Variants in ANTXR2 observed in about 807,000 individuals in gnomAD.
ANTXR2 encodes anthrax toxin receptor 2.
Under a neutral mutation model 73.7 loss-of-function variants are expected in ANTXR2, and 44 were observed. That is an observed-to-expected ratio of 0.60 (90% CI 0.47 to 0.77). The LOEUF (loss-of-function observed/expected upper bound fraction) is 0.77. Ranked by LOEUF, ANTXR2 falls within the 30% of genes least tolerant of loss-of-function variation. ANTXR2 has a pLI of 0.00. For missense variants in ANTXR2, 604 were observed against 592.5 expected (o/e 1.02, Z -0.20); for synonymous variants, 217 against 205.9 (o/e 1.05, Z -0.46).
intron 12 of ANTXR2, among the ~76,000 whole-genome samples, chr4:79,990,195 C>T (rs1346840196): frequency 6.7e-6 from 1 of 149,634 alleles, no homozygotes; most frequent in Non-Finnish European, 1.5e-5. Context: ...CAAAATTATC[C>T]TTCTTCACCA....
At chr4:80,029,836 C>G (rs1174941991) in intron 10 of ANTXR2, among the ~76,000 whole-genome samples, 3 of 151,578 alleles carry the variant, frequency 2.0e-5, no homozygotes, top group African/African-American at 7.3e-5. Context: ...TGGTCAAGAA[C>G]AGCAAAGAGG....
At chr4:79,931,915 C>T (rs1578094177) in intron 16 of ANTXR2, among the ~76,000 whole-genome samples, 1 of 152,200 alleles carries the variant, frequency 6.6e-6, no homozygotes, top group African/African-American at 2.4e-5. Flanking sequence ...CCCAACCATT[C>T]TTTATTTCCT....
At chr4:79,953,410 C>T (rs1009132354) in intron 16 of ANTXR2, among the ~76,000 whole-genome samples, 6 of 151,936 alleles carry the variant, frequency 3.9e-5, no homozygotes, top group South Asian at 2.1e-4. Flanking sequence ...GTAAATTTAA[C>T]GGAAGTCTAA....
chr4:79,912,683 C>T (rs886968580), intron 16 of ANTXR2, among the ~76,000 whole-genome samples: 10 of 152,016 alleles, frequency 6.6e-5, no homozygotes, highest in African/African-American at 2.2e-4. Flanking sequence ...GGAATCTAAC[C>T]TAATAAAATA....
At chr4:80,065,196 C>T (rs1734439532) in intron 3 of ANTXR2, among the ~76,000 whole-genome samples, 1 of 152,166 alleles carries the variant, frequency 6.6e-6, no homozygotes, top group Admixed American at 6.5e-5. Context: ...TTTAACAGAA[C>T]TGAGCTTAAT....
rs997539236 is a variant in ANTXR2, at chr4:79,906,836, G to A, written c.*593C>T. 6.5e-6 allele frequency: 1 copy of A among 153,232 alleles called. No homozygotes were observed. The highest frequency in any genetic ancestry group is 2.4e-5 in the African/African-American group (1 of 41,456). 9.5% of individuals were successfully genotyped at this position (153,232 alleles called of 1,614,324 possible). ...TTGTCATGCGTGTGCACTTTTCAGT[G>A]TTAGAATGACAAGATTTTCCAGTCA... On this transcript the variant is annotated 3_prime_UTR_variant, in exon 17 of 17. Transcript: ENST00000403729.
At chr4:80,064,201 T>C (rs1259995261) in intron 3 of ANTXR2, among the ~76,000 whole-genome samples, 1 of 152,224 alleles carries the variant, frequency 6.6e-6, no homozygotes, top group Non-Finnish European at 1.5e-5. Flanking sequence ...AAGTAATTGA[T>C]TATTGTGCTC....
At chr4:79,933,572 T>C (rs1728139025) in intron 16 of ANTXR2, among the ~76,000 whole-genome samples, 1 of 152,090 alleles carries the variant, frequency 6.6e-6, no homozygotes, top group Non-Finnish European at 1.5e-5. Flanking sequence ...AAATTATACT[T>C]TAAGTTTCAG....
At chr4:79,983,167 C>T (rs962493897) in intron 14 of ANTXR2, among the ~76,000 whole-genome samples, 2 of 152,000 alleles carry the variant, frequency 1.3e-5, no homozygotes, top group African/African-American at 4.8e-5. Flanking sequence ...ATGAAAAAAT[C>T]CCTTGAATTG....
At chr4:79,993,591 T>C (rs950775337) in intron 12 of ANTXR2, among the ~76,000 whole-genome samples, 1 of 152,014 alleles carries the variant, frequency 6.6e-6, no homozygotes, top group African/African-American at 2.4e-5. Flanking sequence ...TTTGAATTAC[T>C]GCAATCAAGA....
chr4:80,048,186 T>C (rs904220783), intron 7 of ANTXR2, among the ~76,000 whole-genome samples: 2 of 150,766 alleles, frequency 1.3e-5, no homozygotes, highest in African/African-American at 4.9e-5. Flanking sequence ...TTTCAAAAAC[T>C]TGCATAGATT....
At chr4:80,025,921 GA>G in intron 10 of ANTXR2, among the ~76,000 whole-genome samples, 1 of 152,156 alleles carries the variant, frequency 6.6e-6, no homozygotes, top group Non-Finnish European at 1.5e-5. Flanking sequence ...GACATCACAG[GA>G]AAGCTGTATT....
At position 80,024,980 on chromosome 4, in the gene ANTXR2, G is replaced by A. The variant is rs1484984526; in HGVS notation, c.867-6004C>T. 4.6e-5 allele frequency among the ~76,000 whole-genome samples: 7 copies of A among 152,122 alleles called. No homozygotes were observed. The East Asian group carries it at 1.2e-3, about 25-fold the overall frequency. On this transcript the variant is annotated intron_variant, in intron 10 of 16. Coordinates refer to ENST00000403729, the MANE Select transcript of ANTXR2 (RefSeq NM_058172.6). ...CTTTCAACTTAATTTTCTATAAATT[G>A]GTTCTACACTGTTTAATATTTCTTA...
At chr4:79,980,976 TTTA>T (rs1729866305) in intron 14 of ANTXR2, among the ~76,000 whole-genome samples, 2 of 150,686 alleles carry the variant, frequency 1.3e-5, no homozygotes, top group South Asian at 4.2e-4. Flanking sequence ...TAAGCATGCT[TTTA>T]AAACAAATTT....
chr4:79,987,043 G>C (rs1730197767), intron 12 of ANTXR2, among the ~76,000 whole-genome samples: 1 of 152,184 alleles, frequency 6.6e-6, no homozygotes, highest in South Asian at 2.1e-4. Flanking sequence ...AGTGAACACA[G>C]ATGAGAAAGA....
At chr4:80,013,377 G>A (rs550340902) in intron 11 of ANTXR2, among the ~76,000 whole-genome samples, 23 of 152,290 alleles carry the variant, frequency 1.5e-4, no homozygotes, top group African/African-American at 5.3e-4. Context: ...TCTCAAGGCT[G>A]GTAAGAAAGG....
chr4:80,026,358 C>T (rs1732439593), intron 10 of ANTXR2, among the ~76,000 whole-genome samples: 1 of 152,172 alleles, frequency 6.6e-6, no homozygotes, highest in African/African-American at 2.4e-5. Context: ...CCTGAGGCTT[C>T]CCCAGTCATG....
At chr4:79,933,636 G>A (rs1728141748) in intron 16 of ANTXR2, among the ~76,000 whole-genome samples, 1 of 151,388 alleles carries the variant, frequency 6.6e-6, no homozygotes, top group Admixed American at 6.6e-5. Context: ...GTGCCATGTT[G>A]GTGTGCTGCA....
chr4:79,993,772 A>G (rs1193752089), intron 12 of ANTXR2, among the ~76,000 whole-genome samples: 1 of 151,358 alleles, frequency 6.6e-6, no homozygotes, highest in Non-Finnish European at 1.5e-5. Flanking sequence ...ACACACACAC[A>G]CACACACACA....
Sources: allele counts gnomAD v4.1 joint callset (sites outside exome capture counted in the v4.1 genomes callset), GRCh38; gene constraint gnomAD v4.1.1; transcripts MANE v1.5; gene names NCBI Gene and HGNC (gene_info 2026-07-23, HGNC 2026-07-21).